The following DENND6A variants were observed in gnomAD, a reference collection of about 807,000 sequenced individuals.
DENND6A encodes the protein protein DENND6A.
Under a neutral mutation model 95.5 loss-of-function variants are expected in DENND6A, and 43 were observed. The observed-to-expected ratio is 0.45, with a 90% CI of 0.35 to 0.58. The LOEUF is 0.58. DENND6A is among the 20% of genes least tolerant of loss of function. DENND6A has a pLI of 0.00. For synonymous variants in DENND6A, 257 were observed against 260.4 expected (o/e 0.99, Z 0.13); for missense variants, 574 against 736.0 (o/e 0.78, Z 2.55).
chr3:57,644,873 A>G, intron 11 of DENND6A, among the ~76,000 whole-genome samples: 1 of 149,616 alleles, frequency 6.7e-6, no homozygotes, highest in Non-Finnish European at 1.5e-5. Flanking sequence ...CACTGGGTGA[A>G]ACAGTGAGAA....
At chr3:57,690,042 C>G (rs1266954565) in intron 1 of DENND6A, among the ~76,000 whole-genome samples, 4 of 79,850 alleles carry the variant, frequency 5.0e-5, no homozygotes, top group African/African-American at 8.9e-5. Context: ...GACCATGTCT[C>G]TAAGGAAAAA....
chr3:57,640,976 C>T lies in DENND6A; in HGVS notation c.1132+677G>A, dbSNP rs775130074. 1.1e-4 allele frequency among the ~76,000 whole-genome samples: 17 copies of T among 151,604 alleles called. No homozygotes were observed. In the South Asian group the frequency reaches 2.7e-3, roughly 24 times the overall value. On this transcript the variant is annotated intron_variant, in intron 12 of 19. Coordinates refer to ENST00000311128, the MANE Select transcript of DENND6A (RefSeq NM_152678.3). ...TTCCATATGAAAAGACACTTTGAACCGCTCCCTAAATCAATAACCTGTGCT... is the reference window on the plus strand; with the variant it reads ...TTCCATATGAAAAGACACTTTGAACTGCTCCCTAAATCAATAACCTGTGCT...
chr3:57,679,747 A>C (rs2077144209), intron 1 of DENND6A, among the ~76,000 whole-genome samples: 1 of 152,232 alleles, frequency 6.6e-6, no homozygotes, highest in African/African-American at 2.4e-5. Context: ...AGGAGAGAGA[A>C]GACTATGTAG....
At chr3:57,692,252 A>G (rs2153418000) in intron 1 of DENND6A, among the ~76,000 whole-genome samples, 1 of 138,184 alleles carries the variant, frequency 7.2e-6, no homozygotes, top group East Asian at 2.2e-4. Flanking sequence ...AAAAAAAAAC[A>G]GAAATGAGGC....
In DENND6A at chr3:57,627,589, A is replaced by C. The variant is rs2153411482; in HGVS notation, c.*625T>G. ...AAAATCTATATGACAACTGAAAAAA[A>C]CCCATCATGTCTATTAATAAACACA... On this transcript the variant is annotated 3_prime_UTR_variant, in exon 20 of 20. Transcript: ENST00000311128. The C allele has an allele frequency of 6.6e-6, 1 of 152,444 alleles. No individual in the cohort carries two copies. Among genetic ancestry groups the C allele is most frequent in the East Asian group, 1.9e-4 (1 of 5,196 alleles). 9.4% of individuals were successfully genotyped at this position (152,444 alleles called of 1,614,324 possible). A position where few individuals can be genotyped will look rare whatever the true frequency, so the allele number is the denominator to read the frequency against.
Position 57,641,686 on chromosome 3 carries a change from G to T in DENND6A, c.1099C>A (p.His367Asn), listed in dbSNP as rs369833081. ...FFAKTLQHWP[H>N]IIRIGDLKPT... ...TTAAGGTCTCCTATTCGAATAATGTGTGGCCAGTGCTGGAGTGTCTTAGCA... is the reference window on the plus strand; with the variant it reads ...TTAAGGTCTCCTATTCGAATAATGTTTGGCCAGTGCTGGAGTGTCTTAGCA... Residue 367 changes from histidine to asparagine, a missense_variant, in exon 12 of 20, where the codon CAC becomes AAC. Transcript: ENST00000311128. The T allele has an allele frequency of 3.7e-5, 59 of 1,612,942 alleles. No individual in the cohort carries two copies. In the East Asian group the frequency reaches 8.5e-4, roughly 23 times the overall value.
intron 1 of DENND6A, among the ~76,000 whole-genome samples, chr3:57,681,779 A>G (rs1320431304): frequency 6.6e-6 from 1 of 152,198 alleles, no homozygotes; most frequent in African/African-American, 2.4e-5. Context: ...ACATGGATGA[A>G]CGTATATGAT....
intron 11 of DENND6A, among the ~76,000 whole-genome samples, chr3:57,644,802 T>A (rs866966832): frequency 0.091 from 112 of 1,234 alleles, no homozygotes; most frequent in African/African-American, 0.14. Context: ...AGGGGAGGGG[T>A]GGGGAGGGGA....
intron 1 of DENND6A, among the ~76,000 whole-genome samples, chr3:57,680,898 A>G (rs1321721972): frequency 6.6e-6 from 1 of 152,204 alleles, no homozygotes; most frequent in Non-Finnish European, 1.5e-5. Flanking sequence ...AAGGAGAGAC[A>G]ATAACAAGAG....
intron 9 of DENND6A, among the ~76,000 whole-genome samples, chr3:57,648,218 A>T (rs141933748): frequency 0.01 from 1,543 of 152,288 alleles, 30 homozygotes; most frequent in African/African-American, 0.035. Flanking sequence ...CACCAACAGC[A>T]ACCAAGCTGA....
rs146267047 is a variant in DENND6A, at chr3:57,645,330, G to A, written c.1037+331C>T. On this transcript the variant is annotated intron_variant, in intron 11 of 19. Coordinates refer to ENST00000311128, the MANE Select transcript of DENND6A (RefSeq NM_152678.3). ...ACAAAAATTAGCCGGGCGTGGTGGC[G>A]CATGCCTGTAATCCCAGCTACTCAG... Among the ~76,000 whole-genome samples, 752 of 152,006 alleles carry A rather than the reference G, an allele frequency of 4.9e-3. 5 individuals are homozygous for A. Among genetic ancestry groups the A allele is most frequent in the African/African-American group, 0.017 (714 of 41,452 alleles).
chr3:57,649,069 A>G (rs759934862), intron 9 of DENND6A, among the ~76,000 whole-genome samples: 13 of 152,194 alleles, frequency 8.5e-5, no homozygotes, highest in Admixed American at 2.0e-4. Context: ...GAGTAAACAG[A>G]CAACTCACAG....
At chr3:57,673,213 C>CAAAAAAAA (rs386396751) in intron 1 of DENND6A, among the ~76,000 whole-genome samples, 18 of 70,584 alleles carry the variant, frequency 2.6e-4, no homozygotes, top group East Asian at 4.0e-4. Context: ...CATTTCGTAT[C>CAAAAAAAA]AAAAAAAAAA....
intron 15 of DENND6A, among the ~76,000 whole-genome samples, chr3:57,632,701 T>C (rs560446226): frequency 1.3e-5 from 2 of 152,342 alleles, no homozygotes; most frequent in Admixed American, 1.3e-4. Context: ...GGCCACATCA[T>C]GGTACTCCCT....
At chr3:57,675,437 C>T (rs2071692982) in intron 1 of DENND6A, among the ~76,000 whole-genome samples, 1 of 152,174 alleles carries the variant, frequency 6.6e-6, no homozygotes, top group Non-Finnish European at 1.5e-5. Context: ...AAGTAATACA[C>T]ATCCTAACTA....
At chr3:57,644,802 T>G (rs866966832) in intron 11 of DENND6A, among the ~76,000 whole-genome samples, 22 of 1,246 alleles carry the variant, frequency 0.018, no homozygotes, top group Non-Finnish European at 0.025. Context: ...AGGGGAGGGG[T>G]GGGGAGGGGA....
At chr3:57,645,836 A>T in intron 10 of DENND6A, 80 bp from the exon 11 acceptor site, 1 of 984,124 alleles carries the variant, frequency 1.0e-6, no homozygotes. Flanking sequence ...CATCTATACA[A>T]ACGGTATACA....
intron 1 of DENND6A, among the ~76,000 whole-genome samples, chr3:57,684,595 G>C (rs1307201806): frequency 6.6e-6 from 1 of 151,948 alleles, no homozygotes; most frequent in African/African-American, 2.4e-5. Flanking sequence ...ACCAGTCTGG[G>C]CAACACAGCA....
intron 4 of DENND6A, among the ~76,000 whole-genome samples, chr3:57,664,789 C>T (rs1299698942): frequency 1.3e-5 from 2 of 152,012 alleles, no homozygotes; most frequent in Non-Finnish European, 2.9e-5. Flanking sequence ...GCTGAGATCA[C>T]GCCACTGCAC....
Sources: gnomAD v4.1 joint callset for allele counts (sites outside exome capture counted in the v4.1 genomes callset) on GRCh38, gnomAD v4.1.1 for gene constraint, MANE v1.5 for transcripts, NCBI Gene and HGNC (gene_info 2026-07-23, HGNC 2026-07-21) for gene names.